Variants in DIAPH2 observed in about 807,000 individuals in gnomAD.
DIAPH2 encodes protein diaphanous homolog 2.
In DIAPH2, 35 loss-of-function variants were observed where a neutral mutation model predicts 92.7. The ratio of observed to expected loss-of-function variants is 0.38; its 90% confidence interval spans 0.29 to 0.50. The LOEUF is 0.50. Ranked by LOEUF, DIAPH2 falls within the 20% of genes least tolerant of loss-of-function variation. The pLI, the probability that DIAPH2 is intolerant of heterozygous loss-of-function variation, is 0.94. For synonymous variants in DIAPH2, 301 were observed against 280.4 expected (o/e 1.07, Z -0.73); for missense variants, 701 against 819.5 (o/e 0.86, Z 1.77).
intron 17 of DIAPH2, among the ~76,000 whole-genome samples, chrX:97,046,007 C>A (rs1944190650): frequency 9.3e-6 from 1 of 107,862 alleles, no homozygotes; most frequent in Non-Finnish European, 1.9e-5. Context: ...CAGGTGCACA[C>A]CCCCATTCCT....
chrX:96,872,320 T>A (rs1164198138), intron 4 of DIAPH2, among the ~76,000 whole-genome samples: 2 of 110,901 alleles, frequency 1.8e-5, no homozygotes, highest in African/African-American at 3.3e-5. Flanking sequence ...TCAATTGTTT[T>A]AAATTTTTGC....
Position 97,414,295 on chromosome X carries a change from A to C in DIAPH2, c.3146-15355A>C, listed in dbSNP as rs1049873484. On this transcript the variant is annotated intron_variant, in intron 25 of 26. Coordinates refer to ENST00000324765, the MANE Select transcript of DIAPH2 (RefSeq NM_006729.5). ...CTTTGACAAACCTGACAGTAACAAG[A>C]AATGGGGAAAGGATTCCCTATTTAA... 7.2e-5 allele frequency among the ~76,000 whole-genome samples: 8 copies of C among 111,643 alleles called. No individual in the cohort carries two copies. In the East Asian group the frequency reaches 1.4e-3, roughly 20 times the overall value.
At chrX:96,925,516 T>A (rs1402847680) in intron 9 of DIAPH2, among the ~76,000 whole-genome samples, 7 of 111,596 alleles carry the variant, frequency 6.3e-5, no homozygotes, top group African/African-American at 2.3e-4. Context: ...TTTCAGAGCA[T>A]TGTTACATCT....
At chrX:97,455,675 C>T (rs1318092420) in intron 26 of DIAPH2, among the ~76,000 whole-genome samples, 1 of 112,080 alleles carries the variant, frequency 8.9e-6, no homozygotes, top group African/African-American at 3.2e-5. Flanking sequence ...ATGTAATAAT[C>T]AAATAATACA....
chrX:97,237,865 G>A (rs1239714380), intron 22 of DIAPH2, among the ~76,000 whole-genome samples: 15 of 112,198 alleles, frequency 1.3e-4, no homozygotes, highest in African/African-American at 4.9e-4. Flanking sequence ...ACAGGCGTGA[G>A]CCACCGCGCC....
chrX:96,692,746 A>C (rs1209958835), intron 1 of DIAPH2, among the ~76,000 whole-genome samples: 1 of 112,311 alleles, frequency 8.9e-6, no homozygotes, highest in Non-Finnish European at 1.9e-5. Context: ...CCTTTCAGGG[A>C]AATGCTGTAG....
At chrX:96,878,347 T>C (rs2065192499) in intron 4 of DIAPH2, among the ~76,000 whole-genome samples, 2 of 111,845 alleles carry the variant, frequency 1.8e-5, no homozygotes. Flanking sequence ...AGTCTCATAC[T>C]CTTACTGATT....
intron 26 of DIAPH2, among the ~76,000 whole-genome samples, chrX:97,462,273 G>A (rs2070465990): frequency 8.9e-6 from 1 of 112,120 alleles, no homozygotes. Flanking sequence ...AGACAAAGTT[G>A]GTGGTTTAGA....
intron 23 of DIAPH2, among the ~76,000 whole-genome samples, chrX:97,259,634 G>A (rs1041300384): frequency 3.6e-5 from 4 of 111,802 alleles, no homozygotes; most frequent in African/African-American, 1.3e-4. Context: ...AGGTATGTGT[G>A]TGCACCCAGA....
chrX:97,141,729 A>C lies in DIAPH2; in HGVS notation c.2654A>C (p.Glu885Ala). The C allele has an allele frequency of 1.7e-6, 2 of 1,207,015 alleles. No individual in the cohort carries two copies. The highest frequency in any genetic ancestry group is 3.6e-5 in the South Asian group (2 of 55,752). The change falls in exon 22 of 27, where the codon GAG becomes GCG. Residue 885 changes from glutamate to alanine, a missense_variant. Transcript: ENST00000324765. ...TLLHFIADIC[E>A]EKYRDILKFP... is the part of the protein sequence containing the mutation. ...TTGCATTTTATTGCCGACATTTGTG[A>C]GGAAAAATATCGAGATATCCTAAAA...
At chrX:97,245,431 A>T (rs1284044102) in intron 22 of DIAPH2, among the ~76,000 whole-genome samples, 9 of 108,457 alleles carry the variant, frequency 8.3e-5, no homozygotes, top group Non-Finnish European at 1.7e-4. Context: ...CTCCCATCTC[A>T]TTTTCTTTTT....
At chrX:97,198,348 A>C (rs776648376) in intron 22 of DIAPH2, among the ~76,000 whole-genome samples, 7 of 109,192 alleles carry the variant, frequency 6.4e-5, no homozygotes, top group Non-Finnish European at 1.3e-4. Flanking sequence ...GTGTGTATAT[A>C]TATATTAATA....
intron 23 of DIAPH2, among the ~76,000 whole-genome samples, chrX:97,294,144 A>T (rs2068623423): frequency 9.0e-6 from 1 of 111,698 alleles, no homozygotes; most frequent in African/African-American, 3.3e-5. Flanking sequence ...ATCTTGTCAC[A>T]TGCCAGCCGT....
At chrX:97,322,877 C>T (rs1323631482) in intron 23 of DIAPH2, among the ~76,000 whole-genome samples, 1 of 101,798 alleles carries the variant, frequency 9.8e-6, no homozygotes, top group Non-Finnish European at 2.0e-5. Flanking sequence ...AATATTTTAA[C>T]ATTTATTCTT....
chrX:97,505,249 A>C (rs916376264), intron 26 of DIAPH2, among the ~76,000 whole-genome samples: 1 of 111,992 alleles, frequency 8.9e-6, no homozygotes, highest in Non-Finnish European at 1.9e-5. Flanking sequence ...ATTACGGGGC[A>C]TGATACCAGT....
intron 22 of DIAPH2, among the ~76,000 whole-genome samples, chrX:97,185,488 T>TAC (rs2067593535): frequency 8.0e-5 from 3 of 37,568 alleles, no homozygotes; most frequent in African/African-American, 5.5e-4. Context: ...TATATATATA[T>TAC]ATATATATAT....
chrX:97,518,890 C>T (rs777571563), intron 26 of DIAPH2, among the ~76,000 whole-genome samples: 7 of 111,560 alleles, frequency 6.3e-5, no homozygotes, highest in South Asian at 7.6e-4. Flanking sequence ...CTTTAATCTG[C>T]CCTCAGGATT....
At chrX:96,967,429 T>C (rs1350662877) in intron 17 of DIAPH2, among the ~76,000 whole-genome samples, 3 of 110,630 alleles carry the variant, frequency 2.7e-5, no homozygotes, top group Admixed American at 1.9e-4. Context: ...CATTCATTTA[T>C]TCATTTTGAG....
intron 24 of DIAPH2, among the ~76,000 whole-genome samples, chrX:97,369,157 C>T (rs1030257573): frequency 3.6e-5 from 4 of 111,236 alleles, no homozygotes; most frequent in African/African-American, 1.3e-4. Flanking sequence ...ATCCGCCCGC[C>T]TCAGCCTCCC....
Sources: gnomAD v4.1 joint callset for allele counts (sites outside exome capture counted in the v4.1 genomes callset) on GRCh38, gnomAD v4.1.1 for gene constraint, MANE v1.5 for transcripts, NCBI Gene and HGNC (gene_info 2026-07-23, HGNC 2026-07-21) for gene names.